RBFOX1: variants seen among roughly 807,000 people sequenced by gnomAD.
RBFOX1 encodes the protein RNA binding fox-1 homolog 1, also known as RNA binding protein fox-1 homolog 1.
Under a neutral mutation model 57.7 loss-of-function variants are expected in RBFOX1, and 8 were observed. The ratio of observed to expected loss-of-function variants is 0.14; its 90% CI spans 0.08 to 0.25. RBFOX1 has a LOEUF of 0.25. Among genes scored for constraint, RBFOX1 ranks in the 10% least tolerant of loss-of-function variants. The pLI, the probability that RBFOX1 is intolerant of heterozygous loss-of-function variation, is 1.00. For missense variants in RBFOX1, 611 were observed against 548.5 expected, an observed-to-expected ratio of 1.11 and a Z score of -1.14; for synonymous variants, 326 against 222.4, an observed-to-expected ratio of 1.47 and a Z score of -4.15.
chr16:7,531,667 G>C (rs537703660), intron 5 of RBFOX1, among the ~76,000 whole-genome samples: 1 of 152,270 alleles, frequency 6.6e-6, no homozygotes, highest in South Asian at 2.1e-4. Context: ...ACGGATGAGG[G>C]AACTGAGGCA....
chr16:5,994,123 T>C (rs1415446247), intron 4 of RBFOX1, among the ~76,000 whole-genome samples: 1 of 152,188 alleles, frequency 6.6e-6, no homozygotes, highest in Non-Finnish European at 1.5e-5. Flanking sequence ...TTTCCAGCTG[T>C]AATGGGTGTA....
intron 3 of RBFOX1, among the ~76,000 whole-genome samples, chr16:5,661,697 A>G (rs569164571): frequency 6.6e-6 from 1 of 152,362 alleles, no homozygotes. Flanking sequence ...GAAGACACTT[A>G]AAGTCTGCTG....
At chr16:7,260,727 A>G (rs2094886095) in intron 4 of RBFOX1, among the ~76,000 whole-genome samples, 1 of 152,180 alleles carries the variant, frequency 6.6e-6, no homozygotes, top group South Asian at 2.1e-4. Flanking sequence ...GAAGGAGTCC[A>G]AAGCTTTTTA....
At chr16:6,509,467 G>C (rs1399819268) in intron 2 of RBFOX1, among the ~76,000 whole-genome samples, 1 of 152,254 alleles carries the variant, frequency 6.6e-6, no homozygotes, top group Middle Eastern at 3.4e-3. Flanking sequence ...TTGCTTATTT[G>C]TGGGAGCTAA....
intron 3 of RBFOX1, among the ~76,000 whole-genome samples, chr16:5,723,519 GGTGT>G (rs2052016374): frequency 6.6e-6 from 1 of 151,590 alleles, no homozygotes; most frequent in African/African-American, 2.4e-5. Context: ...TGGGCTGGAT[GGTGT>G]CTGAGATCTG....
chr16:7,054,161 C>G (rs529646573), intron 4 of RBFOX1, among the ~76,000 whole-genome samples: 2 of 131,678 alleles, frequency 1.5e-5, no homozygotes, highest in South Asian at 2.4e-4. Flanking sequence ...TCTGTAAGAG[C>G]CCTTCCATCA....
At chr16:7,341,941 G>T (rs1485674491) in intron 4 of RBFOX1, among the ~76,000 whole-genome samples, 1 of 151,956 alleles carries the variant, frequency 6.6e-6, no homozygotes, top group Non-Finnish European at 1.5e-5. Context: ...GTGGGAGAAG[G>T]TGTTGCTTGG....
At chr16:7,123,982 C>G (rs749502348) in intron 4 of RBFOX1, among the ~76,000 whole-genome samples, 4 of 152,072 alleles carry the variant, frequency 2.6e-5, no homozygotes, top group Non-Finnish European at 4.4e-5. Flanking sequence ...CTACATAGGT[C>G]TTTGTGCATA....
chr16:5,309,998 C>T (rs1377715726), intron 1 of RBFOX1, among the ~76,000 whole-genome samples: 1 of 152,198 alleles, frequency 6.6e-6, no homozygotes, highest in African/African-American at 2.4e-5. Context: ...GACAGGGAGC[C>T]TGAAAACCTT....
At chr16:6,731,093 A>G (rs1390981459) in intron 3 of RBFOX1, among the ~76,000 whole-genome samples, 2 of 152,130 alleles carry the variant, frequency 1.3e-5, no homozygotes, top group Non-Finnish European at 2.9e-5. Flanking sequence ...CCTTTGGAAA[A>G]CTGGTTATAT....
chr16:7,232,369 G>A (rs1193048879), intron 4 of RBFOX1, among the ~76,000 whole-genome samples: 26 of 152,016 alleles, frequency 1.7e-4, no homozygotes, highest in Admixed American at 1.7e-3. Flanking sequence ...TTATAAAATG[G>A]GCAAAAGATG....
intron 3 of RBFOX1, among the ~76,000 whole-genome samples, chr16:6,807,679 G>C (rs1168312775): frequency 6.6e-6 from 1 of 152,044 alleles, no homozygotes; most frequent in Non-Finnish European, 1.5e-5. Context: ...GGCTGGGCAT[G>C]GTGGCAGACG....
intron 2 of RBFOX1, among the ~76,000 whole-genome samples, chr16:6,514,416 A>G (rs886315674): frequency 6.6e-6 from 1 of 152,136 alleles, no homozygotes; most frequent in Non-Finnish European, 1.5e-5. Flanking sequence ...AATTGATGCT[A>G]TGCTCCTTTA....
chr16:7,266,164 A>G (rs2095132659), intron 4 of RBFOX1, among the ~76,000 whole-genome samples: 1 of 151,756 alleles, frequency 6.6e-6, no homozygotes. Context: ...TTTAGTACAG[A>G]CGGGGTTTCA....
intron 3 of RBFOX1, among the ~76,000 whole-genome samples, chr16:5,657,895 C>G (rs1034755000): frequency 2.6e-5 from 4 of 151,802 alleles, no homozygotes; most frequent in Admixed American, 2.0e-4. Flanking sequence ...CAACGCCAGG[C>G]TAATTTTTGT....
chr16:6,516,651 A>G (rs1243069841), intron 2 of RBFOX1, among the ~76,000 whole-genome samples: 4 of 152,204 alleles, frequency 2.6e-5, no homozygotes, highest in Admixed American at 6.5e-5. Flanking sequence ...TTGGAAGACA[A>G]TCTGTTGATT....
intron 4 of RBFOX1, among the ~76,000 whole-genome samples, chr16:7,266,708 A>C (rs952811349): frequency 6.6e-6 from 1 of 152,232 alleles, no homozygotes; most frequent in African/African-American, 2.4e-5. Context: ...CATTCTTTAT[A>C]TTTGACAATA....
At chr16:5,840,972 C>T (rs1458988289) in intron 3 of RBFOX1, among the ~76,000 whole-genome samples, 2 of 152,142 alleles carry the variant, frequency 1.3e-5, no homozygotes, top group African/African-American at 4.8e-5. Flanking sequence ...TAGTGAACCT[C>T]CCAATACTCC....
At chr16:5,257,565 A>T (rs1054047292) in intron 1 of RBFOX1, among the ~76,000 whole-genome samples, 2 of 152,188 alleles carry the variant, frequency 1.3e-5, no homozygotes, top group Non-Finnish European at 2.9e-5. Context: ...CTCGCAGGTG[A>T]TTCTCATGCA....
Sources: allele counts gnomAD v4.1 joint callset (sites outside exome capture counted in the v4.1 genomes callset), GRCh38; gene constraint gnomAD v4.1.1; transcripts MANE v1.5; gene names NCBI Gene and HGNC (gene_info 2026-07-23, HGNC 2026-07-21).